The following ZBTB20 variants were observed in gnomAD, a reference collection of about 807,000 sequenced individuals.
The protein encoded by ZBTB20 is zinc finger and BTB domain containing 20.
ZBTB20 carries 9 observed loss-of-function variants against 56.9 expected under a neutral mutation model. The ratio of observed to expected loss-of-function variants is 0.16; its 90% CI spans 0.10 to 0.28. ZBTB20 has a LOEUF of 0.28. Ranked by LOEUF, ZBTB20 falls within the 10% of genes least tolerant of loss-of-function variation. The pLI, the probability that ZBTB20 is intolerant of heterozygous loss-of-function variation, is 1.00. For synonymous variants in ZBTB20, 417 were observed against 420.7 expected (o/e 0.99, Z 0.11); for missense variants, 655 against 1,003.0 (o/e 0.65, Z 4.69).
intron 2 of ZBTB20, among the ~76,000 whole-genome samples, chr3:114,990,151 T>G (rs1343535984): frequency 2.0e-5 from 3 of 152,016 alleles, no homozygotes; most frequent in Admixed American, 1.3e-4. Flanking sequence ...TGAATAGGAG[T>G]GGTGAGAGAG....
chr3:114,859,139 T>C (rs2075375559), intron 4 of ZBTB20, among the ~76,000 whole-genome samples: 1 of 47,864 alleles, frequency 2.1e-5, no homozygotes, highest in Non-Finnish European at 4.5e-5. Flanking sequence ...GCATTTCACA[T>C]GACAAGAGAA....
intron 3 of ZBTB20, chr3:114,930,859 G>T (rs1289264206): frequency 3.6e-6 from 1 of 275,858 alleles, no homozygotes; most frequent in East Asian, 9.7e-5. Context: ...AGAAAAGGGT[G>T]GGGAGGCAGT....
intron 6 of ZBTB20, among the ~76,000 whole-genome samples, chr3:114,552,997 T>C (rs907801898): frequency 6.6e-6 from 1 of 152,344 alleles, no homozygotes. Context: ...GTGTCCTCAA[T>C]ATAGCTTCAC....
intron 7 of ZBTB20, among the ~76,000 whole-genome samples, chr3:114,402,754 A>G (rs1559742436): frequency 6.6e-6 from 1 of 152,194 alleles, no homozygotes; most frequent in East Asian, 1.9e-4. Context: ...ATGAGACACA[A>G]CAGTTTTCTT....
intron 6 of ZBTB20, among the ~76,000 whole-genome samples, chr3:114,683,664 G>C (rs1346572707): frequency 1.3e-5 from 2 of 152,032 alleles, no homozygotes; most frequent in African/African-American, 4.8e-5. Flanking sequence ...TCCTCCTTTA[G>C]TTGAGAGTTT....
chr3:115,029,072 T>TAC (rs142153965), intron 2 of ZBTB20, among the ~76,000 whole-genome samples: 43 of 146,748 alleles, frequency 2.9e-4, no homozygotes, highest in African/African-American at 6.7e-4. Flanking sequence ...CACACACACA[T>TAC]ACACACACAC....
At chr3:114,471,260 T>C (rs1201470774) in intron 7 of ZBTB20, among the ~76,000 whole-genome samples, 3 of 152,186 alleles carry the variant, frequency 2.0e-5, no homozygotes, top group Admixed American at 2.0e-4. Context: ...ATATATCATA[T>C]TTAATTTTTA....
At chr3:114,870,980 TCCC>T (rs1442106926) in intron 4 of ZBTB20, among the ~76,000 whole-genome samples, 1 of 151,880 alleles carries the variant, frequency 6.6e-6, no homozygotes, top group South Asian at 2.1e-4. Flanking sequence ...TATTTTTCAT[TCCC>T]CCAATTCCAC....
At chr3:114,710,287 T>C (rs2063982522) in intron 5 of ZBTB20, 1 of 152,178 alleles carries the variant, frequency 6.6e-6, no homozygotes, top group Admixed American at 6.6e-5. Flanking sequence ...TTCTCAGAGT[T>C]CATTCTTCGT....
chr3:114,583,762 T>C (rs930218473), intron 6 of ZBTB20, among the ~76,000 whole-genome samples: 1 of 152,220 alleles, frequency 6.6e-6, no homozygotes, highest in African/African-American at 2.4e-5. Context: ...GTGTAACCAA[T>C]GTGAGGTCTC....
chr3:114,497,751 T>C (rs2043449430), intron 7 of ZBTB20, among the ~76,000 whole-genome samples: 1 of 152,252 alleles, frequency 6.6e-6, no homozygotes, highest in South Asian at 2.1e-4. Flanking sequence ...ATTTCTTATT[T>C]ATCCCGGAGT....
intron 7 of ZBTB20, among the ~76,000 whole-genome samples, chr3:114,456,834 C>T (rs1302553619): frequency 6.6e-6 from 1 of 152,122 alleles, no homozygotes; most frequent in African/African-American, 2.4e-5. Context: ...TGTATGAAAC[C>T]GAAAACTATC....
At chr3:114,855,214 T>C (rs566549114) in intron 4 of ZBTB20, among the ~76,000 whole-genome samples, 1 of 152,372 alleles carries the variant, frequency 6.6e-6, no homozygotes, top group East Asian at 1.9e-4. Flanking sequence ...AGCATTTGTA[T>C]AACTCTTTAT....
intron 11 of ZBTB20, among the ~76,000 whole-genome samples, chr3:114,342,900 A>G (rs575635067): frequency 6.6e-6 from 1 of 152,334 alleles, no homozygotes; most frequent in East Asian, 1.9e-4. Flanking sequence ...GAAGTGGTAT[A>G]TGGATAAAAT....
chr3:114,729,146 C>T (rs1296740210), intron 5 of ZBTB20, among the ~76,000 whole-genome samples: 16 of 152,166 alleles, frequency 1.1e-4, no homozygotes, highest in Admixed American at 1.0e-3. Flanking sequence ...TCCCATTTGT[C>T]ACCAAAATAG....
chr3:115,047,632 C>T (rs1420969647), intron 2 of ZBTB20, among the ~76,000 whole-genome samples: 1 of 152,028 alleles, frequency 6.6e-6, no homozygotes, highest in African/African-American at 2.4e-5. Flanking sequence ...ATGAATAATG[C>T]AAAATTTAAT....
At chr3:114,696,817 G>A (rs1366820819) in intron 5 of ZBTB20, among the ~76,000 whole-genome samples, 1 of 152,086 alleles carries the variant, frequency 6.6e-6, no homozygotes, top group Admixed American at 6.6e-5. Flanking sequence ...GAGAAAAAGA[G>A]AGAGAGAAAG....
At chr3:114,869,032 T>C (rs956735999) in intron 4 of ZBTB20, among the ~76,000 whole-genome samples, 16 of 152,146 alleles carry the variant, frequency 1.1e-4, no homozygotes, top group Admixed American at 1.3e-4. Context: ...CTAAGCTATT[T>C]CTGAGGAGCT....
chr3:114,762,774 T>C (rs1382389404), intron 5 of ZBTB20, among the ~76,000 whole-genome samples: 1 of 152,182 alleles, frequency 6.6e-6, no homozygotes, highest in Non-Finnish European at 1.5e-5. Context: ...TTCATAGAAG[T>C]TAAAAGTATA....
Sources: allele counts gnomAD v4.1 joint callset (sites outside exome capture counted in the v4.1 genomes callset), GRCh38; gene constraint gnomAD v4.1.1; transcripts MANE v1.5; gene names NCBI Gene and HGNC (gene_info 2026-07-23, HGNC 2026-07-21).